The following BICD1 variants were observed in gnomAD, a reference collection of about 807,000 sequenced individuals.
BICD1 encodes protein bicaudal D homolog 1.
A neutral mutation model predicts 92.5 loss-of-function variants in BICD1; 35 were observed. That is an observed-to-expected ratio of 0.38 (90% CI 0.29 to 0.50). BICD1 has a LOEUF of 0.50. Among genes scored for constraint, BICD1 ranks in the 20% least tolerant of loss-of-function variants. The pLI, the probability that BICD1 is intolerant of heterozygous loss-of-function variation, is 0.93. For synonymous variants in BICD1, 429 were observed against 465.1 expected (o/e 0.92, Z 1.00); for missense variants, 950 against 1,189.8 (o/e 0.80, Z 2.97).
chr12:32,220,301 C>G (rs1050733275), intron 2 of BICD1, among the ~76,000 whole-genome samples: 17 of 152,268 alleles, frequency 1.1e-4, no homozygotes, highest in Admixed American at 9.8e-4. Flanking sequence ...TCAGAGTGAA[C>G]AGGCAATCTA....
chr12:32,180,245 G>C (rs936793715), intron 1 of BICD1, among the ~76,000 whole-genome samples: 1 of 151,818 alleles, frequency 6.6e-6, no homozygotes, highest in Non-Finnish European at 1.5e-5. Flanking sequence ...AGGATTTCCT[G>C]CCTGGACCTT....
At chr12:32,340,123 T>G in intron 8 of BICD1, 1 of 985,428 alleles carries the variant, frequency 1.0e-6, no homozygotes, top group Non-Finnish European at 1.2e-6. Flanking sequence ...AATTCCTTTT[T>G]GCAAACCTCA....
At chr12:32,199,776 G>A (rs1407910636) in intron 1 of BICD1, among the ~76,000 whole-genome samples, 1 of 152,106 alleles carries the variant, frequency 6.6e-6, no homozygotes, top group East Asian at 1.9e-4. Flanking sequence ...AAATCACGGA[G>A]GTTTGGGGAG....
chr12:32,195,988 G>C (rs1252545857), intron 1 of BICD1, among the ~76,000 whole-genome samples: 1 of 152,172 alleles, frequency 6.6e-6, no homozygotes, highest in Admixed American at 6.5e-5. Context: ...CAAAGGACTT[G>C]AATGGACATT....
chr12:32,367,762 T>G lies in BICD1; in HGVS notation c.2840+17T>G. ...AACTGTCAGGTAAATTCAGATGTCC[T>G]TTCCCTTCCACCCAGCTGCATGTCA... On this transcript the variant is annotated intron_variant, in intron 9 of 9. Coordinates refer to ENST00000652176, the MANE Select transcript of BICD1 (RefSeq NM_001714.4). The G allele has an allele frequency of 6.2e-7, 1 of 1,607,616 alleles. No homozygotes were observed. Among genetic ancestry groups the G allele is most frequent in the Admixed American group, 1.7e-5 (1 of 59,996 alleles).
At chr12:32,367,565 G>A in intron 8 of BICD1, 105 bp from the exon 9 acceptor site, 2 of 1,007,592 alleles carry the variant, frequency 2.0e-6, no homozygotes, top group African/African-American at 1.6e-5. Flanking sequence ...CTGTGTGAAT[G>A]CACATTCCTC....
chr12:32,220,338 T>C (rs1945478533), intron 2 of BICD1, among the ~76,000 whole-genome samples: 1 of 152,160 alleles, frequency 6.6e-6, no homozygotes, highest in Admixed American at 6.5e-5. Context: ...TTTCGCAACC[T>C]ACTCATCTGA....
chr12:32,123,211 C>T (rs994731166), intron 1 of BICD1, among the ~76,000 whole-genome samples: 4 of 152,104 alleles, frequency 2.6e-5, no homozygotes, highest in Admixed American at 2.0e-4. Context: ...TGAGAAGACA[C>T]ACTAAGGAGG....
chr12:32,348,772 A>ATATATG (rs1938745939), intron 8 of BICD1, among the ~76,000 whole-genome samples: 1 of 52,730 alleles, frequency 1.9e-5, no homozygotes, highest in African/African-American at 8.8e-5. Context: ...ATATATATAT[A>ATATATG]TATATATCAG....
Position 32,230,874 on chromosome 12 carries a change from T to G in BICD1, c.426+14415T>G, listed in dbSNP as rs538738223. 5.1e-5 allele frequency among the ~76,000 whole-genome samples: 4 copies of G among 78,430 alleles called. No individual in the cohort carries two copies. The East Asian group carries it at 3.8e-3, about 75-fold the overall frequency. 51.5% of individuals were successfully genotyped at this position (78,430 alleles called of 152,430 possible). A position where few individuals can be genotyped will look rare whatever the true frequency, so the allele number is the denominator to read the frequency against. Reference sequence around the variant, plus strand: ...AGGTGCATTATGCACATCTGTGAAATTATCATGACTGCTGTCATCCCATCT... The same window carrying G: ...AGGTGCATTATGCACATCTGTGAAAGTATCATGACTGCTGTCATCCCATCT... On this transcript the variant is annotated intron_variant, in intron 2 of 9. Coordinates refer to ENST00000652176, the MANE Select transcript of BICD1 (RefSeq NM_001714.4).
At chr12:32,196,330 C>A (rs549624837) in intron 1 of BICD1, among the ~76,000 whole-genome samples, 2 of 152,260 alleles carry the variant, frequency 1.3e-5, no homozygotes, top group South Asian at 4.1e-4. Context: ...GACATCTGCA[C>A]CCCATGTTCA....
chr12:32,377,966 G>T lies in BICD1; in HGVS notation c.*339G>T, dbSNP rs200991719. 1.7e-5 allele frequency: 3 copies of T among 178,930 alleles called. No individual in the cohort carries two copies. In the South Asian group the frequency reaches 4.9e-4, roughly 29 times the overall value. 11.1% of individuals were successfully genotyped at this position (178,930 alleles called of 1,614,324 possible). A position where few individuals can be genotyped will look rare whatever the true frequency, so the allele number is the denominator to read the frequency against. ...GAGAGACCTAAGACATGTAAAATAC[G>T]TATATTGCAGTATCATCTTTCCTCA... is the stretch of plus-strand genomic sequence containing the variant. On this transcript the variant is annotated 3_prime_UTR_variant, in exon 10 of 10. Coordinates refer to ENST00000652176, the MANE Select transcript of BICD1 (RefSeq NM_001714.4).
chr12:32,148,325 T>C (rs886266508), intron 1 of BICD1, among the ~76,000 whole-genome samples: 2 of 152,120 alleles, frequency 1.3e-5, no homozygotes, highest in South Asian at 4.2e-4. Context: ...ATACTGATTC[T>C]GATTCCATGT....
intron 2 of BICD1, among the ~76,000 whole-genome samples, chr12:32,279,775 C>A (rs981379141): frequency 3.9e-5 from 6 of 152,176 alleles, no homozygotes; most frequent in African/African-American, 1.4e-4. Context: ...GGAGAATTAA[C>A]CCTTCGTGGT....
intron 1 of BICD1, among the ~76,000 whole-genome samples, chr12:32,141,969 AT>A (rs907155694): frequency 5.3e-5 from 8 of 152,004 alleles, no homozygotes; most frequent in African/African-American, 1.9e-4. Context: ...ACCATAGTCT[AT>A]TTTTTTCAAA....
chr12:32,346,611 T>C (rs867091450), intron 8 of BICD1, among the ~76,000 whole-genome samples: 171 of 3,948 alleles, frequency 0.043, 27 homozygotes, highest in African/African-American at 0.16. Flanking sequence ...TATATATATA[T>C]ACGTGTATAT....
rs1397277378 is a variant in BICD1 at position 32,327,658 on chromosome 12, G to A, written c.1203G>A (p.Glu401=). ...GGGAGAAGGGCCGGGACTCAGGGGA[G>A]GAGGCCCATGACTATGAGGTGGACA... ...LDGEKGRDSG[E]EAHDYEVDIN... Residue 401 remains glutamate (E), a synonymous_variant, in exon 5 of 10, where the codon GAG becomes GAA. Transcript: ENST00000652176. 1 of 1,614,094 alleles carries A rather than the reference G, an allele frequency of 6.2e-7. No individual in the cohort carries two copies. Among genetic ancestry groups the A allele is most frequent in the Admixed American group, 1.7e-5 (1 of 60,010 alleles).
At chr12:32,253,017 G>T (rs188732366) in intron 2 of BICD1, among the ~76,000 whole-genome samples, 4 of 152,038 alleles carry the variant, frequency 2.6e-5, no homozygotes, top group Admixed American at 2.6e-4. Context: ...TGAGTAGCTG[G>T]GACTACAGGT....
At chr12:32,167,891 C>T (rs1943818074) in intron 1 of BICD1, among the ~76,000 whole-genome samples, 3 of 151,554 alleles carry the variant, frequency 2.0e-5, no homozygotes, top group African/African-American at 4.8e-5. Context: ...TCAGCCCTAC[C>T]GCTAACTAGC....
Sources: gnomAD v4.1 joint callset for allele counts (sites outside exome capture counted in the v4.1 genomes callset) on GRCh38, gnomAD v4.1.1 for gene constraint, MANE v1.5 for transcripts, NCBI Gene and HGNC (gene_info 2026-07-23, HGNC 2026-07-21) for gene names.